Variants in ARFGEF3 observed in about 807,000 individuals in gnomAD.
The protein encoded by ARFGEF3 is brefeldin A-inhibited guanine nucleotide-exchange protein 3.
Under a neutral mutation model 221.7 loss-of-function variants are expected in ARFGEF3, and 96 were observed. The ratio of observed to expected loss-of-function variants is 0.43; its 90% CI spans 0.37 to 0.51. ARFGEF3 has a LOEUF of 0.51. ARFGEF3 is among the 20% of genes least tolerant of loss of function. The pLI is 0.00. For missense variants in ARFGEF3, 2,410 were observed against 2,789.9 expected (o/e 0.86, Z 3.07); for synonymous variants, 1,145 against 1,126.8 (o/e 1.02, Z -0.32).
intron 2 of ARFGEF3, among the ~76,000 whole-genome samples, chr6:138,190,037 T>C (rs1777266451): frequency 6.6e-6 from 1 of 151,976 alleles, no homozygotes; most frequent in Non-Finnish European, 1.5e-5. Flanking sequence ...TGAACCATGA[T>C]TGAGCCACTG....
chr6:138,287,051 G>T, intron 16 of ARFGEF3, 23 bp from the exon 17 acceptor site: 3 of 1,561,052 alleles, frequency 1.9e-6, no homozygotes, highest in Admixed American at 1.9e-5. Context: ...CAGTCAAGAA[G>T]TCATTGTGTG....
rs1450282459 is a variant in ARFGEF3 at position 138,255,600 on chromosome 6, C to T, written c.935C>T (p.Pro312Leu). ...GRGSGCSCTA[P>L]ALSGPVARTI... ...GGATCAGGCTGCTCCTGCACTGCGC[C>T]GGCCCTGAGCGGACCTGTGGCTCGG... Residue 312 changes from proline (P) to leucine (L), a missense_variant, in exon 10 of 34, where the codon CCG becomes CTG. Transcript: ENST00000251691. 3.1e-6 allele frequency: 5 copies of T among 1,613,990 alleles called. No individual in the cohort carries two copies. Among genetic ancestry groups the T allele is most frequent in the South Asian group, 1.1e-5 (1 of 91,080 alleles).
In ARFGEF3 at chr6:138,292,132, A is replaced by G; in HGVS notation, c.3368+79A>G. The stretch of plus-strand genomic sequence containing the variant: ...ACATCCATCTGGTTTCAGTCATGCC[A>G]GGGACGACCCATTTGTTAGCCAATC... On this transcript the variant is annotated intron_variant, in intron 19 of 33. Transcript: ENST00000251691. 6 of 1,220,466 alleles carry G rather than the reference A, an allele frequency of 4.9e-6. No individual in the cohort carries two copies. The South Asian group carries it at 1.1e-4, about 23-fold the overall frequency. 75.6% of individuals were successfully genotyped at this position (1,220,466 alleles called of 1,614,324 possible).
At chr6:138,318,566 C>T (rs1779967066) in intron 27 of ARFGEF3, among the ~76,000 whole-genome samples, 1 of 152,152 alleles carries the variant, frequency 6.6e-6, no homozygotes, top group Admixed American at 6.5e-5. Context: ...AATGCACATA[C>T]TATGGAGTGC....
intron 10 of ARFGEF3, among the ~76,000 whole-genome samples, chr6:138,257,762 C>G (rs188993395): frequency 1.2e-4 from 18 of 152,172 alleles, no homozygotes; most frequent in Admixed American, 6.5e-4. Context: ...CAAATCCTCT[C>G]TCTACCACAC....
At chr6:138,185,468 G>C (rs1204125566) in intron 2 of ARFGEF3, among the ~76,000 whole-genome samples, 1 of 152,198 alleles carries the variant, frequency 6.6e-6, no homozygotes, top group Non-Finnish European at 1.5e-5. Flanking sequence ...GAGAAGGGAG[G>C]ATAGCCCCGG....
intron 2 of ARFGEF3, among the ~76,000 whole-genome samples, chr6:138,193,482 TTATGTGTCTA>T (rs1271288726): frequency 1.3e-5 from 2 of 152,226 alleles, no homozygotes; most frequent in Non-Finnish European, 2.9e-5. Context: ...TCATTCATCG[TTATGTGTCTA>T]ACATTTCACA....
chr6:138,220,519 T>C (rs1057411303), intron 4 of ARFGEF3, among the ~76,000 whole-genome samples: 3 of 152,254 alleles, frequency 2.0e-5, no homozygotes, highest in African/African-American at 7.2e-5. Context: ...CCTAAGCAAC[T>C]ATCTGTAATT....
chr6:138,200,406 A>G lies in ARFGEF3; in HGVS notation c.138-6636A>G, dbSNP rs928914823. 1.3e-4 allele frequency among the ~76,000 whole-genome samples: 20 copies of G among 152,336 alleles called. 1 individual carries two copies. The Middle Eastern group carries it at 0.014, about 104-fold the overall frequency. ...AAAAGAACAAATCTGGAGGCATCAC[A>G]CTACCTGATTTCAAACTATACTATA... On this transcript the variant is annotated intron_variant, in intron 2 of 33. Coordinates refer to ENST00000251691, the MANE Select transcript of ARFGEF3 (RefSeq NM_020340.5).
rs368160702 is a variant in ARFGEF3 at position 138,261,546 on chromosome 6, G to A, written c.1124G>A (p.Arg375His). ...IMKEILGSPQ[R>H]LCDLAGPSST... is the part of the protein sequence containing the mutation. ...TTTAAGATACTTGGGAGCCCACAGCGTCTCTGTGACTTGGCAGGACCCAGC... is the reference window on the plus strand; with the variant it reads ...TTTAAGATACTTGGGAGCCCACAGCATCTCTGTGACTTGGCAGGACCCAGC... Residue 375 changes from arginine to histidine, a missense_variant, in exon 11 of 34, where the codon CGT (arginine) becomes CAT (histidine). Arg to His is a conservative substitution (Grantham distance 29, BLOSUM62 0). This residue lies in a region of ARFGEF3 where 570 missense variants were observed against 586.9 expected (regional missense o/e 0.97). Transcript: ENST00000251691. The A allele has an allele frequency of 2.9e-5, 46 of 1,572,866 alleles. No homozygotes were observed. Among genetic ancestry groups the A allele is most frequent in the South Asian group, 1.3e-4 (11 of 85,042 alleles).
intron 12 of ARFGEF3, among the ~76,000 whole-genome samples, chr6:138,274,842 T>G (rs1337085531): frequency 6.9e-6 from 1 of 145,740 alleles, no homozygotes; most frequent in Non-Finnish European, 1.5e-5. Context: ...GCATGGTGGC[T>G]CACACCTGTG....
chr6:138,332,450 CA>C (rs1242585716), intron 32 of ARFGEF3, among the ~76,000 whole-genome samples: 3 of 152,156 alleles, frequency 2.0e-5, no homozygotes, highest in Non-Finnish European at 1.5e-5. Context: ...TTATAGCTAT[CA>C]GGGGGACAGA....
chr6:138,311,755 G>T (rs1260611232), intron 25 of ARFGEF3, among the ~76,000 whole-genome samples: 1 of 152,156 alleles, frequency 6.6e-6, no homozygotes, highest in Non-Finnish European at 1.5e-5. Context: ...CTCACGCTCA[G>T]ATGCCTGAAC....
intron 17 of ARFGEF3, among the ~76,000 whole-genome samples, chr6:138,289,040 G>A (rs187566189): frequency 4.1e-4 from 63 of 152,112 alleles, no homozygotes; most frequent in African/African-American, 1.4e-3. Context: ...TGCAATCTCC[G>A]CCTCCCAGGT....
chr6:138,328,772 T>G (rs571729979), intron 32 of ARFGEF3, among the ~76,000 whole-genome samples: 1 of 152,294 alleles, frequency 6.6e-6, no homozygotes, highest in South Asian at 2.1e-4. Context: ...GGAGGATCAC[T>G]TAAGCTCAGA....
chr6:138,334,587 A>G lies in ARFGEF3; in HGVS notation c.5741A>G (p.Asn1914Ser). ...AAGCTGTGCATGGAACTGTGCAACA[A>G]CTACATCCAGATGCACTTGGACCTG... is the stretch of plus-strand genomic sequence containing the variant. ...LHKLCMELCNNYIQMHLDLEN... is the reference protein window; with the variant it reads ...LHKLCMELCNSYIQMHLDLEN... Residue 1914 changes from asparagine to serine, a missense_variant, in exon 33 of 34, where the codon AAC becomes AGC. By Grantham distance (46) the Asn-to-Ser change is conservative. Coordinates refer to ENST00000251691, the MANE Select transcript of ARFGEF3 (RefSeq NM_020340.5). This position sits in a 1 kb window ranked among gnomAD's most constrained non-coding sequence, Gnocchi z 5.1. 1.9e-6 allele frequency: 3 copies of G among 1,613,772 alleles called. No homozygotes were observed. Among genetic ancestry groups the G allele is most frequent in the Non-Finnish European group, 2.5e-6 (3 of 1,179,896 alleles).
At chr6:138,199,104 G>A (rs1226266686) in intron 2 of ARFGEF3, among the ~76,000 whole-genome samples, 1 of 152,110 alleles carries the variant, frequency 6.6e-6, no homozygotes, top group African/African-American at 2.4e-5. Flanking sequence ...GAAAAGAGAT[G>A]GTCTAAGTCT....
intron 4 of ARFGEF3, chr6:138,217,997 C>G (rs776016138): frequency 6.2e-7 from 1 of 1,608,136 alleles, no homozygotes; most frequent in Non-Finnish European, 8.5e-7. Context: ...TTTATATGAT[C>G]TGTGGATGTA....
At position 138,280,578 on chromosome 6, in the gene ARFGEF3, C is replaced by T. The variant is rs866410981; in HGVS notation, c.2461+414C>T. Among the ~76,000 whole-genome samples the T allele has an allele frequency of 5.3e-5, 8 of 152,334 alleles. No homozygotes were observed. The South Asian group carries it at 1.7e-3, about 32-fold the overall frequency. On this transcript the variant is annotated intron_variant, in intron 14 of 33. Transcript: ENST00000251691. The stretch of plus-strand genomic sequence containing the variant: ...TTAAAGTTGGCTTCCTGGCCAAGTG[C>T]CGTGGCTCATGCCTATAATCCTAGC...
Sources: allele counts gnomAD v4.1 joint callset (sites outside exome capture counted in the v4.1 genomes callset), GRCh38; gene constraint gnomAD v4.1.1; regional missense constraint gnomAD v4.1.1; non-coding constraint Gnocchi (gnomAD v3.1); transcripts MANE v1.5; gene names NCBI Gene and HGNC (gene_info 2026-07-23, HGNC 2026-07-21).